NOX4: variants seen among roughly 807,000 people sequenced by gnomAD.
NOX4 encodes the protein NADPH oxidase 4, also known as kidney oxidase-1.
A neutral mutation model predicts 87.6 loss-of-function variants in NOX4; 69 were observed. The observed-to-expected ratio is 0.79, with a 90% CI of 0.65 to 0.96. The LOEUF (loss-of-function observed/expected upper bound fraction) is 0.96. Ranked by LOEUF, NOX4 falls within the 40% of genes least tolerant of loss-of-function variation. The probability of loss-of-function intolerance (pLI) is 0.00; values close to 1 mark genes in which losing one functional copy is unlikely to be tolerated. For missense variants in NOX4, 680 were observed against 681.5 expected, an observed-to-expected ratio of 1.00 and a Z score of 0.02; for synonymous variants, 275 against 238.2, an observed-to-expected ratio of 1.15 and a Z score of -1.42.
chr11:89,425,409 CAAAAA>C (rs766357906), intron 7 of NOX4, among the ~76,000 whole-genome samples: 3 of 70,694 alleles, frequency 4.2e-5, no homozygotes, highest in Non-Finnish European at 9.4e-5. Flanking sequence ...ATTGAAATAC[CAAAAA>C]AAAAAAAAAA....
At chr11:89,506,230 A>AAAGG in the NOX4 span, among the ~76,000 whole-genome samples, 1 of 148,530 alleles carries the variant, frequency 6.7e-6, no homozygotes, top group Non-Finnish European at 1.5e-5. Flanking sequence ...AGAGAGAAAG[A>AAAGG]AAGAAAGAGA....
chr11:89,395,136 C>T (rs543278427), intron 11 of NOX4, among the ~76,000 whole-genome samples: 1 of 152,238 alleles, frequency 6.6e-6, no homozygotes, highest in Admixed American at 6.5e-5. Flanking sequence ...AAAAGCATTC[C>T]TATTTCTCCA....
chr11:89,433,723 GA>G (rs1255269332), intron 6 of NOX4, among the ~76,000 whole-genome samples: 2 of 151,974 alleles, frequency 1.3e-5, no homozygotes, highest in Non-Finnish European at 2.9e-5. Flanking sequence ...AAAATATGTT[GA>G]AATCAAGTGC....
At chr11:89,344,557 T>G (rs186810353) in intron 13 of NOX4, among the ~76,000 whole-genome samples, 1 of 152,110 alleles carries the variant, frequency 6.6e-6, no homozygotes, top group East Asian at 1.9e-4. Context: ...GTCCAAAAAT[T>G]TTTTCTTTTT....
chr11:89,367,210 A>G (rs1436234908), intron 12 of NOX4, among the ~76,000 whole-genome samples: 1 of 152,150 alleles, frequency 6.6e-6, no homozygotes, highest in Non-Finnish European at 1.5e-5. Context: ...CAATAGGTTA[A>G]TCCTCATCCT....
chr11:89,477,492 T>A (rs992423707), intron 2 of NOX4, among the ~76,000 whole-genome samples: 7 of 152,162 alleles, frequency 4.6e-5, no homozygotes, highest in Non-Finnish European at 1.0e-4. Context: ...CTGGTCTCTG[T>A]CTGTGGCTTG....
the NOX4 span, among the ~76,000 whole-genome samples, chr11:89,527,892 T>C: frequency 5.0e-3 from 754 of 152,208 alleles, 3 homozygotes; most frequent in African/African-American, 0.01. Context: ...AAGAGGACCA[T>C]CATCCTCCAT....
chr11:89,355,990 T>G (rs1212426966), intron 12 of NOX4, among the ~76,000 whole-genome samples: 1 of 152,150 alleles, frequency 6.6e-6, no homozygotes, highest in Non-Finnish European at 1.5e-5. Context: ...AATGATTTTA[T>G]TTATAAATAA....
At chr11:89,412,005 G>A (rs1462408328) in intron 8 of NOX4, among the ~76,000 whole-genome samples, 1 of 151,968 alleles carries the variant, frequency 6.6e-6, no homozygotes. Flanking sequence ...AACCAAAAAG[G>A]AAGAGGAGAA....
intron 2 of NOX4, among the ~76,000 whole-genome samples, chr11:89,467,976 G>A (rs1307561567): frequency 6.6e-6 from 1 of 152,192 alleles, no homozygotes; most frequent in Non-Finnish European, 1.5e-5. Flanking sequence ...TTACATATAG[G>A]AGGGATTCTG....
the NOX4 span, among the ~76,000 whole-genome samples, chr11:89,555,360 C>T: frequency 6.6e-6 from 1 of 151,996 alleles, no homozygotes; most frequent in Non-Finnish European, 1.5e-5. Context: ...GTAGTGAACA[C>T]CTATAGTCTC....
intron 13 of NOX4, among the ~76,000 whole-genome samples, chr11:89,354,509 T>C (rs866588829): frequency 1.3e-5 from 2 of 152,144 alleles, no homozygotes; most frequent in Admixed American, 6.6e-5. Flanking sequence ...TATGTAGAGA[T>C]TGTCAAAAAT....
rs183079676 is a variant in NOX4, at chr11:89,434,699, C to T, written c.476-1843G>A. ...ATTTTTAACAGTCAAAGTCTATAAA[C>T]GACTCTGATATTCATCAACAGATTA... is the stretch of plus-strand genomic sequence containing the variant. On this transcript the variant is annotated intron_variant, in intron 6 of 17. Coordinates refer to ENST00000263317, the MANE Select transcript of NOX4 (RefSeq NM_016931.5). Among the ~76,000 whole-genome samples, 36 of 151,896 alleles carry T rather than the reference C, an allele frequency of 2.4e-4. No homozygotes were observed. The East Asian group carries it at 3.1e-3, about 13-fold the overall frequency.
chr11:89,417,177 C>A (rs549681095), intron 8 of NOX4, among the ~76,000 whole-genome samples: 8 of 152,250 alleles, frequency 5.3e-5, no homozygotes. Flanking sequence ...TGCATTCCCT[C>A]CACATTTCTT....
the NOX4 span, among the ~76,000 whole-genome samples, chr11:89,519,910 A>T: frequency 6.6e-6 from 1 of 152,062 alleles, no homozygotes; most frequent in African/African-American, 2.4e-5. Context: ...AAACCTTAAC[A>T]ACACAGATAA....
At chr11:89,565,452 A>C in the NOX4 span, among the ~76,000 whole-genome samples, 1 of 152,038 alleles carries the variant, frequency 6.6e-6, no homozygotes, top group Non-Finnish European at 1.5e-5. Flanking sequence ...TGAGCATTTT[A>C]TTGCTTTCTT....
intron 2 of NOX4, among the ~76,000 whole-genome samples, chr11:89,473,593 C>A (rs1208863267): frequency 1.3e-5 from 2 of 151,930 alleles, no homozygotes; most frequent in Non-Finnish European, 2.9e-5. Context: ...ATATAAAGAT[C>A]TTTTTCTCAT....
At chr11:89,358,386 C>CAAAAAAAAAAAAAAAAAAAGA (rs1938242805) in intron 12 of NOX4, among the ~76,000 whole-genome samples, 1 of 78,190 alleles carries the variant, frequency 1.3e-5, no homozygotes, top group African/African-American at 4.5e-5. Context: ...AACTTAATCT[C>CAAAAAAAAAAAAAAAAAAAGA]AAAAAAAAAA....
chr11:89,522,843 A>G, the NOX4 span, among the ~76,000 whole-genome samples: 1 of 152,132 alleles, frequency 6.6e-6, no homozygotes, highest in South Asian at 2.1e-4. Context: ...AGTTATTCAG[A>G]AGGCAAAAGG....
Sources: allele counts gnomAD v4.1 joint callset (sites outside exome capture counted in the v4.1 genomes callset), GRCh38; gene constraint gnomAD v4.1.1; transcripts MANE v1.5; gene names NCBI Gene and HGNC (gene_info 2026-07-23, HGNC 2026-07-21).